Variants in CADM2 observed in about 807,000 individuals in gnomAD.
CADM2 encodes cell adhesion molecule 2, also known as immunoglobulin superfamily member 4D.
In CADM2, 12 loss-of-function variants were observed where a neutral mutation model predicts 49.8. That is an observed-to-expected ratio of 0.24 (90% CI 0.15 to 0.39). The LOEUF (loss-of-function observed/expected upper bound fraction) is 0.39. Among genes scored for constraint, CADM2 ranks in the 10% least tolerant of loss-of-function variants. CADM2 has a pLI of 1.00. For synonymous variants in CADM2, 214 were observed against 175.4 expected, an observed-to-expected ratio of 1.22 and a Z score of -1.74; for missense variants, 378 against 492.3, an observed-to-expected ratio of 0.77 and a Z score of 2.20.
At chr3:85,821,976 A>T (rs1011678996) in intron 3 of CADM2, among the ~76,000 whole-genome samples, 2 of 152,190 alleles carry the variant, frequency 1.3e-5, no homozygotes, top group African/African-American at 4.8e-5. Context: ...TGGAATTAGA[A>T]CTAAACACAA....
intron 1 of CADM2, among the ~76,000 whole-genome samples, chr3:85,671,127 T>C (rs771798082): frequency 6.6e-6 from 1 of 152,192 alleles, no homozygotes; most frequent in African/African-American, 2.4e-5. Context: ...TGGAGGTAAA[T>C]AATGTTTCTC....
chr3:85,231,765 T>A (rs1445944490), intron 1 of CADM2, among the ~76,000 whole-genome samples: 1 of 149,912 alleles, frequency 6.7e-6, no homozygotes, highest in Non-Finnish European at 1.5e-5. Flanking sequence ...TGGGCTAGAG[T>A]GTAATGGTGC....
At chr3:85,945,330 G>A (rs1230850796) in intron 7 of CADM2, among the ~76,000 whole-genome samples, 1 of 152,098 alleles carries the variant, frequency 6.6e-6, no homozygotes, top group African/African-American at 2.4e-5. Flanking sequence ...CGGTTTCACA[G>A]CCGAATTCTA....
intron 1 of CADM2, among the ~76,000 whole-genome samples, chr3:85,703,759 A>G (rs12630975): frequency 0.036 from 5,446 of 152,246 alleles, 248 homozygotes; most frequent in South Asian, 0.11. Context: ...TGAGACGGAA[A>G]CTTAGCATAA....
chr3:85,308,396 A>G (rs1346854146), intron 1 of CADM2, among the ~76,000 whole-genome samples: 1 of 151,744 alleles, frequency 6.6e-6, no homozygotes, highest in Non-Finnish European at 1.5e-5. Context: ...GTATGCTGAT[A>G]TTCTCTTCAG....
chr3:85,677,905 T>TA (rs1320091694), intron 1 of CADM2, among the ~76,000 whole-genome samples: 10 of 152,338 alleles, frequency 6.6e-5, no homozygotes, highest in East Asian at 5.8e-4. Flanking sequence ...CTACTGGACC[T>TA]CTGGATTCCT....
At chr3:86,029,032 A>G (rs1734251982) in intron 8 of CADM2, among the ~76,000 whole-genome samples, 1 of 152,196 alleles carries the variant, frequency 6.6e-6, no homozygotes, top group African/African-American at 2.4e-5. Context: ...GCGTGAGAAA[A>G]GAGCCATAAA....
intron 1 of CADM2, among the ~76,000 whole-genome samples, chr3:85,368,271 A>T (rs2032947732): frequency 6.6e-6 from 1 of 152,120 alleles, no homozygotes; most frequent in Non-Finnish European, 1.5e-5. Context: ...CCTTCTGATG[A>T]TCTAATTTTA....
chr3:85,989,417 C>T (rs963121645), intron 8 of CADM2, among the ~76,000 whole-genome samples: 2 of 152,080 alleles, frequency 1.3e-5, no homozygotes, highest in Admixed American at 1.3e-4. Context: ...CTCAAGAAAA[C>T]GAGGACACTG....
chr3:85,929,294 A>T (rs942472717), intron 6 of CADM2, among the ~76,000 whole-genome samples: 2 of 152,096 alleles, frequency 1.3e-5, no homozygotes, highest in African/African-American at 4.8e-5. Context: ...GTTTAAGTAA[A>T]ATTTGGTTTA....
rs1281663158 is a variant in CADM2, at chr3:86,068,638, A to G, written c.*1855A>G. On this transcript the variant is annotated 3_prime_UTR_variant, in exon 10 of 10. Coordinates refer to ENST00000383699, the MANE Select transcript of CADM2 (RefSeq NM_001167675.2). Reference sequence around the variant, plus strand: ...TTTAAGGAAAATGTTAGAATTTTAAAGTTTTTTTTTGATTGTTGAAGCATT... The same window carrying G: ...TTTAAGGAAAATGTTAGAATTTTAAGGTTTTTTTTTGATTGTTGAAGCATT... 6.6e-6 allele frequency: 1 copy of G among 152,190 alleles called. No homozygotes were observed. Among genetic ancestry groups the G allele is most frequent in the Non-Finnish European group, 1.5e-5 (1 of 67,848 alleles). 9.4% of individuals were successfully genotyped at this position (152,190 alleles called of 1,614,324 possible).
intron 1 of CADM2, among the ~76,000 whole-genome samples, chr3:85,382,768 T>C (rs1345910295): frequency 6.6e-6 from 1 of 152,126 alleles, no homozygotes; most frequent in Non-Finnish European, 1.5e-5. Context: ...AATAATACAA[T>C]AGAGACAGAA....
chr3:85,937,200 A>G (rs1462122055), intron 7 of CADM2, among the ~76,000 whole-genome samples: 1 of 151,890 alleles, frequency 6.6e-6, no homozygotes, highest in Non-Finnish European at 1.5e-5. Flanking sequence ...ATATGGTTGA[A>G]TGAATGTGCC....
intron 1 of CADM2, among the ~76,000 whole-genome samples, chr3:85,324,183 G>A (rs144610749): frequency 6.7e-4 from 102 of 152,230 alleles, no homozygotes; most frequent in African/African-American, 2.3e-3. Context: ...ATATATACTT[G>A]TATAAAACCT....
At chr3:84,960,885 G>A (rs562352634) in intron 1 of CADM2, among the ~76,000 whole-genome samples, 34 of 152,264 alleles carry the variant, frequency 2.2e-4, no homozygotes, top group African/African-American at 8.2e-4. Flanking sequence ...GGCTAGGTGG[G>A]CAGGGGCTGT....
chr3:85,774,931 C>G (rs2070285008), intron 2 of CADM2, among the ~76,000 whole-genome samples: 1 of 151,508 alleles, frequency 6.6e-6, no homozygotes, highest in South Asian at 2.1e-4. Context: ...TAAATCATTG[C>G]TAGTCAGTTA....
At chr3:84,961,004 A>G (rs886824802) in intron 1 of CADM2, among the ~76,000 whole-genome samples, 4 of 152,130 alleles carry the variant, frequency 2.6e-5, no homozygotes, top group Non-Finnish European at 5.9e-5. Context: ...TTTTTAAGCT[A>G]GGTGACTAGA....
chr3:85,094,270 A>C (rs1390869850), intron 1 of CADM2, among the ~76,000 whole-genome samples: 2 of 152,156 alleles, frequency 1.3e-5, no homozygotes, highest in Admixed American at 1.3e-4. Flanking sequence ...CTTTATAATA[A>C]TAATTACCTA....
intron 1 of CADM2, among the ~76,000 whole-genome samples, chr3:85,227,111 G>C (rs963934924): frequency 1.3e-5 from 2 of 152,104 alleles, no homozygotes; most frequent in African/African-American, 4.8e-5. Flanking sequence ...TTGATTTGGG[G>C]TGTAGAGTTC....
Sources: allele counts gnomAD v4.1 joint callset (sites outside exome capture counted in the v4.1 genomes callset), GRCh38; gene constraint gnomAD v4.1.1; transcripts MANE v1.5; gene names NCBI Gene and HGNC (gene_info 2026-07-23, HGNC 2026-07-21).